Variants in ARHGAP24 observed in about 807,000 individuals in gnomAD.
The protein encoded by ARHGAP24 is Rho GTPase activating protein 24.
Under a neutral mutation model 76.4 loss-of-function variants are expected in ARHGAP24, and 50 were observed. The observed-to-expected ratio is 0.65, with a 90% CI of 0.52 to 0.83. The LOEUF is 0.83. ARHGAP24 is among the 40% of genes least tolerant of loss of function. The pLI, the probability that ARHGAP24 is intolerant of heterozygous loss-of-function variation, is 0.00. For synonymous variants in ARHGAP24, 345 were observed against 323.3 expected (o/e 1.07, Z -0.72); for missense variants, 930 against 914.2 (o/e 1.02, Z -0.22).
chr4:85,514,852 G>A lies in ARHGAP24; in HGVS notation c.-21+39293G>A, dbSNP rs567765369. Among the ~76,000 whole-genome samples the A allele has an allele frequency of 9.3e-5, 11 of 117,818 alleles. No individual in the cohort carries two copies. The East Asian group carries it at 3.2e-3, about 34-fold the overall frequency. 77.3% of individuals were successfully genotyped at this position (117,818 alleles called of 152,430 possible). A position where few individuals can be genotyped will look rare whatever the true frequency, so the allele number is the denominator to read the frequency against. On this transcript the variant is annotated intron_variant, in intron 1 of 9. Transcript: ENST00000395184. Reference sequence around the variant, plus strand: ...AAAAAAAAAAAAAAAAAGTGATATTGTCTGTCTTGGCACAGAAGCTCCCAA... The same window carrying A: ...AAAAAAAAAAAAAAAAAGTGATATTATCTGTCTTGGCACAGAAGCTCCCAA...
chr4:85,746,226 C>T (rs1726028817), intron 3 of ARHGAP24, among the ~76,000 whole-genome samples: 1 of 152,190 alleles, frequency 6.6e-6, no homozygotes, highest in Non-Finnish European at 1.5e-5. Context: ...GCCCAGTTTC[C>T]AGGAATGGAT....
chr4:85,495,341 ATTTTTTTTTTTTTT>A (rs35138716), intron 1 of ARHGAP24, among the ~76,000 whole-genome samples: 3 of 53,116 alleles, frequency 5.6e-5, no homozygotes, highest in East Asian at 8.2e-4. Context: ...GAAGTACAGA[ATTTTTTTTTTTTTT>A]TTTTTTTTTT....
intron 3 of ARHGAP24, among the ~76,000 whole-genome samples, chr4:85,756,214 A>G (rs201435233): frequency 0.91 from 137,978 of 151,998 alleles, 64,136 homozygotes; most frequent in East Asian, 1. Context: ...TAGTTAATAA[A>G]GTAGCTGATT....
At chr4:85,631,541 G>A (rs1021360505) in intron 2 of ARHGAP24, among the ~76,000 whole-genome samples, 4 of 151,914 alleles carry the variant, frequency 2.6e-5, no homozygotes, top group African/African-American at 9.7e-5. Context: ...TATTTTATTA[G>A]CATTTTCAGA....
intron 3 of ARHGAP24, among the ~76,000 whole-genome samples, chr4:85,867,352 C>T (rs1732252179): frequency 6.6e-6 from 1 of 152,030 alleles, no homozygotes; most frequent in African/African-American, 2.4e-5. Context: ...GTCATGGATT[C>T]TAGTGCGTTT....
chr4:85,582,419 C>T (rs1247833466), intron 2 of ARHGAP24, among the ~76,000 whole-genome samples: 1 of 152,036 alleles, frequency 6.6e-6, no homozygotes, highest in Non-Finnish European at 1.5e-5. Context: ...GTTTTTGACT[C>T]TTTAAACTGC....
intron 3 of ARHGAP24, among the ~76,000 whole-genome samples, chr4:85,856,311 A>AG (rs1303282661): frequency 6.6e-6 from 1 of 152,096 alleles, no homozygotes; most frequent in East Asian, 1.9e-4. Context: ...GTAAAAAAAA[A>AG]TTATGTATAA....
chr4:85,595,852 T>A (rs1420063746), intron 2 of ARHGAP24, among the ~76,000 whole-genome samples: 1 of 152,060 alleles, frequency 6.6e-6, no homozygotes, highest in Non-Finnish European at 1.5e-5. Context: ...TGGCTCTATT[T>A]GATTGGTCAT....
At chr4:85,610,451 C>CAAA (rs57348830) in intron 2 of ARHGAP24, among the ~76,000 whole-genome samples, 1,420 of 51,452 alleles carry the variant, frequency 0.028, 57 homozygotes, top group East Asian at 0.065. Context: ...ACTCCATCTA[C>CAAA]AAAAAAAAAA....
chr4:85,740,385 G>A (rs1002210717), intron 3 of ARHGAP24, among the ~76,000 whole-genome samples: 1 of 151,868 alleles, frequency 6.6e-6, no homozygotes, highest in African/African-American at 2.4e-5. Context: ...TCCATGCCCT[G>A]CTAATTTTTG....
chr4:85,903,251 T>A (rs17011166), intron 3 of ARHGAP24, among the ~76,000 whole-genome samples: 52,739 of 151,956 alleles, frequency 0.35, 9,615 homozygotes, highest in East Asian at 0.74. Flanking sequence ...GTCAAAAATA[T>A]CTAAAATCTA....
At chr4:86,000,273 G>A (rs2148876312) in intron 9 of ARHGAP24, 5 of 458,718 alleles carry the variant, frequency 1.1e-5, no homozygotes, top group South Asian at 1.0e-4. Flanking sequence ...TAATGACTAA[G>A]GTGACAGTAA....
chr4:85,729,764 G>T (rs1482179229), intron 3 of ARHGAP24, among the ~76,000 whole-genome samples: 3 of 152,118 alleles, frequency 2.0e-5, no homozygotes, highest in Admixed American at 2.0e-4. Flanking sequence ...TTTACTTATG[G>T]TCACTGAAAT....
intron 2 of ARHGAP24, among the ~76,000 whole-genome samples, chr4:85,611,739 T>C (rs1213379548): frequency 6.6e-6 from 1 of 152,180 alleles, no homozygotes; most frequent in Non-Finnish European, 1.5e-5. Flanking sequence ...AGATGATCCT[T>C]TGAGTCTATG....
At chr4:85,817,293 G>T (rs1186886004) in intron 3 of ARHGAP24, among the ~76,000 whole-genome samples, 2 of 152,036 alleles carry the variant, frequency 1.3e-5, no homozygotes, top group Non-Finnish European at 2.9e-5. Flanking sequence ...TTTTGCTTTT[G>T]TCAGCTGTGC....
intron 3 of ARHGAP24, among the ~76,000 whole-genome samples, chr4:85,738,029 T>C (rs1158421200): frequency 2.0e-5 from 3 of 152,132 alleles, no homozygotes; most frequent in African/African-American, 7.2e-5. Flanking sequence ...CAAGTGATTT[T>C]CATGCCTCGG....
At chr4:85,757,201 A>G (rs924088180) in intron 3 of ARHGAP24, among the ~76,000 whole-genome samples, 5 of 139,148 alleles carry the variant, frequency 3.6e-5, no homozygotes, top group Non-Finnish European at 7.6e-5. Context: ...CAAGGGGTCA[A>G]TGCAACCAAT....
At chr4:85,809,574 A>G (rs1274198974) in intron 3 of ARHGAP24, among the ~76,000 whole-genome samples, 2 of 152,128 alleles carry the variant, frequency 1.3e-5, no homozygotes, top group Non-Finnish European at 2.9e-5. Flanking sequence ...TTTTTTTCAG[A>G]TATAGAACCT....
Position 85,654,811 on chromosome 4 carries a change from T to C in ARHGAP24, c.181-67074T>C, listed in dbSNP as rs372777606. On this transcript the variant is annotated intron_variant, in intron 2 of 9. Transcript: ENST00000395184. ...TATATAGTCAGATTTATAACATTCA[T>C]ATTATATAACATGATATAAATGTGT... is the stretch of plus-strand genomic sequence containing the variant. Among the ~76,000 whole-genome samples, 3 of 152,324 alleles carry C rather than the reference T, an allele frequency of 2.0e-5. No individual in the cohort carries two copies. The East Asian group carries it at 5.8e-4, about 29-fold the overall frequency.
Sources: gnomAD v4.1 joint callset for allele counts (sites outside exome capture counted in the v4.1 genomes callset) on GRCh38, gnomAD v4.1.1 for gene constraint, MANE v1.5 for transcripts, NCBI Gene and HGNC (gene_info 2026-07-23, HGNC 2026-07-21) for gene names.